NBAS: variants seen among roughly 807,000 people sequenced by gnomAD.
NBAS encodes NBAS subunit of NRZ tethering complex.
Under a neutral mutation model 302.5 loss-of-function variants are expected in NBAS, and 219 were observed. The ratio of observed to expected loss-of-function variants is 0.72; its 90% CI spans 0.65 to 0.81. NBAS has a LOEUF of 0.81. Among genes scored for constraint, NBAS ranks in the 30% least tolerant of loss-of-function variants. NBAS has a pLI of 0.00. For missense variants in NBAS, 2,932 were observed against 2,841.6 expected, an observed-to-expected ratio of 1.03 and a Z score of -0.72; for synonymous variants, 1,118 against 1,021.6, an observed-to-expected ratio of 1.09 and a Z score of -1.80.
the NBAS span, among the ~76,000 whole-genome samples, chr2:14,787,267 CTT>C: frequency 2.4e-3 from 358 of 152,240 alleles, 3 homozygotes; most frequent in African/African-American, 7.6e-3. Flanking sequence ...GGTCTTGACT[CTT>C]TATCCAATTT....
At chr2:14,815,196 G>A in the NBAS span, among the ~76,000 whole-genome samples, 1 of 152,266 alleles carries the variant, frequency 6.6e-6, no homozygotes, top group African/African-American at 2.4e-5. Flanking sequence ...TAAATGCCAA[G>A]CTTTTTCAGA....
rs147478077 is a variant in NBAS at position 15,334,672 on chromosome 2, A to G, written c.4180-3907T>C. On this transcript the variant is annotated intron_variant, in intron 35 of 51. Coordinates refer to ENST00000281513, the MANE Select transcript of NBAS (RefSeq NM_015909.4). ...TTCAGAAAAAGTATGCAAAAGAAAA[A>G]GAATACTATTTATTCACAGCCCCAT... 1.6e-3 allele frequency among the ~76,000 whole-genome samples: 240 copies of G among 152,382 alleles called. 3 individuals carry two copies. Among genetic ancestry groups the G allele is most frequent in the African/African-American group, 5.4e-3 (223 of 41,588 alleles).
intron 21 of NBAS, among the ~76,000 whole-genome samples, chr2:15,445,159 A>T (rs1476940777): frequency 6.6e-6 from 1 of 151,576 alleles, no homozygotes; most frequent in Admixed American, 6.6e-5. Context: ...TACTGGGTAT[A>T]TACCCAAAGG....
the NBAS span, among the ~76,000 whole-genome samples, chr2:14,925,651 C>T: frequency 6.6e-6 from 1 of 152,144 alleles, no homozygotes; most frequent in Non-Finnish European, 1.5e-5. Flanking sequence ...AAAGTCACTG[C>T]ATCAGTGTGA....
the NBAS span, among the ~76,000 whole-genome samples, chr2:15,076,205 T>C: frequency 2.0e-5 from 3 of 152,024 alleles, no homozygotes; most frequent in East Asian, 5.8e-4. Context: ...AAGATAGGAG[T>C]GTTTGCTTTG....
At chr2:15,282,905 C>T (rs1669886717) in intron 42 of NBAS, among the ~76,000 whole-genome samples, 1 of 152,130 alleles carries the variant, frequency 6.6e-6, no homozygotes, top group African/African-American at 2.4e-5. Context: ...CTGGAATGCC[C>T]TTTCTTCCAT....
downstream of NBAS, among the ~76,000 whole-genome samples, chr2:15,165,521 G>C (rs151255087): frequency 1.7e-4 from 26 of 152,340 alleles, no homozygotes; most frequent in Non-Finnish European, 3.5e-4. Context: ...ACTTTCATCA[G>C]AGGACTCTGC....
chr2:14,966,654 A>G, the NBAS span, among the ~76,000 whole-genome samples: 1 of 152,214 alleles, frequency 6.6e-6, no homozygotes, highest in Non-Finnish European at 1.5e-5. Context: ...GCAAAGTAGG[A>G]ATAGAAGGGA....
At chr2:14,837,955 T>A in the NBAS span, among the ~76,000 whole-genome samples, 454 of 152,044 alleles carry the variant, frequency 3.0e-3, 3 homozygotes, top group African/African-American at 0.011. Flanking sequence ...TTCACCTTCA[T>A]TCTTAAAGAA....
the NBAS span, among the ~76,000 whole-genome samples, chr2:14,840,863 G>C: frequency 6.6e-6 from 1 of 151,946 alleles, no homozygotes; most frequent in East Asian, 1.9e-4. Flanking sequence ...CAATTAAATG[G>C]ATGGACAAAC....
chr2:15,506,735 G>A (rs1001606693), intron 10 of NBAS, among the ~76,000 whole-genome samples: 2 of 151,852 alleles, frequency 1.3e-5, no homozygotes, highest in African/African-American at 4.8e-5. Context: ...AGAAAGCTGG[G>A]AACAAAAGTA....
At chr2:15,458,450 T>C (rs1001768536) in intron 21 of NBAS, among the ~76,000 whole-genome samples, 2 of 152,176 alleles carry the variant, frequency 1.3e-5, no homozygotes, top group Non-Finnish European at 2.9e-5. Flanking sequence ...CACCATCCCC[T>C]TGGTGATAAG....
intron 35 of NBAS, among the ~76,000 whole-genome samples, chr2:15,348,254 G>T (rs1263657619): frequency 6.6e-6 from 1 of 152,162 alleles, no homozygotes; most frequent in Non-Finnish European, 1.5e-5. Flanking sequence ...GCTGAAAGGG[G>T]ACAAAGGCAG....
At chr2:15,433,704 C>A (rs557604037) in intron 21 of NBAS, among the ~76,000 whole-genome samples, 2 of 152,230 alleles carry the variant, frequency 1.3e-5, no homozygotes, top group African/African-American at 4.8e-5. Flanking sequence ...TTAGTTTTTA[C>A]CCATGAGCAA....
chr2:14,835,088 T>C, the NBAS span, among the ~76,000 whole-genome samples: 9 of 152,042 alleles, frequency 5.9e-5, no homozygotes, highest in African/African-American at 1.4e-4. Flanking sequence ...TGATGACATA[T>C]TGATCCCTGG....
chr2:15,380,628 TAAC>T (rs946556421), intron 29 of NBAS, among the ~76,000 whole-genome samples: 2 of 21,692 alleles, frequency 9.2e-5, no homozygotes, highest in Non-Finnish European at 1.6e-4. Context: ...ACTAGACAAC[TAAC>T]AACATCAATT....
At chr2:15,242,390 C>T (rs1480267356) in intron 44 of NBAS, among the ~76,000 whole-genome samples, 3 of 152,138 alleles carry the variant, frequency 2.0e-5, no homozygotes, top group African/African-American at 7.2e-5. Context: ...GCTAGAACCT[C>T]TAAGAAGCAG....
Position 15,238,587 on chromosome 2 carries a change from G to A in NBAS, c.5824C>T (p.Gln1942Ter), listed in dbSNP as rs1052976986. The change falls in exon 45 of 52, where the codon CAA becomes TAA. Residue 1942 changes from glutamine to a stop codon, truncating the protein, a stop_gained. Transcript: ENST00000281513. LOFTEE classifies it high-confidence loss of function. ...GTAACTTTAGAATCCTTAGCTTCTT[G>A]AGCTTCGTCTTCTGAGTTTCTTTTC... ...PRKRNSEDEA[Q>*]EAKDSKVTYA... 1.2e-6 allele frequency: 2 copies of A among 1,613,748 alleles called. No homozygotes were observed. The highest frequency in any genetic ancestry group is 1.1e-5 in the South Asian group (1 of 91,014).
At chr2:15,056,569 C>T in the NBAS span, among the ~76,000 whole-genome samples, 1 of 152,034 alleles carries the variant, frequency 6.6e-6, no homozygotes, top group African/African-American at 2.4e-5. Context: ...CTGTATTTTA[C>T]CTGGGAAAAT....
Sources: allele counts gnomAD v4.1 joint callset (sites outside exome capture counted in the v4.1 genomes callset), GRCh38; gene constraint gnomAD v4.1.1; transcripts MANE v1.5; gene names NCBI Gene and HGNC (gene_info 2026-07-23, HGNC 2026-07-21).